Variants in TATDN1 observed in about 807,000 individuals in gnomAD.
TATDN1 encodes the protein deoxyribonuclease TATDN1.
TATDN1 carries 40 observed loss-of-function variants against 46.4 expected under a neutral mutation model. The observed-to-expected ratio is 0.86, with a 90% CI of 0.67 to 1.12. The LOEUF (loss-of-function observed/expected upper bound fraction) is 1.12, where lower values mean the gene tolerates loss of function less well. TATDN1 is among the 50% of genes most tolerant of loss of function. The probability of loss-of-function intolerance (pLI) is 0.00; values close to 1 mark genes in which losing one functional copy is unlikely to be tolerated. For missense variants in TATDN1, 326 were observed against 348.4 expected (o/e 0.94, Z 0.51); for synonymous variants, 95 against 105.6 (o/e 0.90, Z 0.62).
Position 124,506,229 on chromosome 8 carries a change from G to T in TATDN1, c.517-1882C>A, listed in dbSNP as rs536527615. Among the ~76,000 whole-genome samples, 57 of 151,214 alleles carry T rather than the reference G, an allele frequency of 3.8e-4. 3 individuals are homozygous for T. The South Asian group carries it at 0.011, about 29-fold the overall frequency. On this transcript the variant is annotated intron_variant, in intron 8 of 11. Transcript: ENST00000276692. ...GCGTGCCTGTAGCCCCAGCTACTCG[G>T]GAGGCTGAGGCAAAAGAATTGCTTG...
chr8:124,511,188 G>A (rs1022177802), intron 6 of TATDN1, among the ~76,000 whole-genome samples: 6 of 152,144 alleles, frequency 3.9e-5, no homozygotes, highest in Non-Finnish European at 8.8e-5. Flanking sequence ...TGAAGCTTCT[G>A]ATTTTATTAC....
chr8:124,533,629 T>A (rs1821166146), intron 1 of TATDN1, among the ~76,000 whole-genome samples: 1 of 152,118 alleles, frequency 6.6e-6, no homozygotes, highest in South Asian at 2.1e-4. Context: ...CAGGGCTGGT[T>A]TCTGTTCAAC....
At chr8:124,490,173 C>A (rs1816844209) in intron 11 of TATDN1, 2 of 152,120 alleles carry the variant, frequency 1.3e-5, no homozygotes, top group Non-Finnish European at 2.9e-5. Context: ...AGCAGCTTTG[C>A]TAAGATTATA....
rs201492211 is a variant in TATDN1, at chr8:124,515,696, A to G, written c.389+50T>C. Reference sequence around the variant, plus strand: ...TCTCACCTGATACAAGATATTTTAAAAATCACTCATGATTTTACAATAATT... The same window carrying G: ...TCTCACCTGATACAAGATATTTTAAGAATCACTCATGATTTTACAATAATT... On this transcript the variant is annotated intron_variant, in intron 6 of 11. Coordinates refer to ENST00000276692, the MANE Select transcript of TATDN1 (RefSeq NM_032026.4). 5 of 1,553,890 alleles carry G rather than the reference A, an allele frequency of 3.2e-6. No homozygotes were observed. In the East Asian group the frequency reaches 1.1e-4, roughly 35 times the overall value.
chr8:124,513,393 T>A (rs1225823852), intron 6 of TATDN1, among the ~76,000 whole-genome samples: 1 of 152,248 alleles, frequency 6.6e-6, no homozygotes. Flanking sequence ...CCCTCTGCTG[T>A]TCACATACTT....
intron 9 of TATDN1, among the ~76,000 whole-genome samples, chr8:124,499,646 C>T (rs1817773982): frequency 6.6e-6 from 1 of 151,968 alleles, no homozygotes; most frequent in Non-Finnish European, 1.5e-5. Flanking sequence ...CGGGTTCACG[C>T]CATTCTCCTG....
intron 2 of TATDN1, 23 bp downstream of exon 2, chr8:124,522,914 G>T (rs376820878): frequency 1.3e-6 from 2 of 1,597,366 alleles, no homozygotes; most frequent in South Asian, 2.2e-5. Context: ...GAAACTATTC[G>T]CCTTAATAAA....
At chr8:124,535,233 G>A (rs1821329241) in intron 1 of TATDN1, among the ~76,000 whole-genome samples, 1 of 152,172 alleles carries the variant, frequency 6.6e-6, no homozygotes, top group Admixed American at 6.5e-5. Context: ...GATTCCAAGG[G>A]TTTCAGGAGT....
intron 3 of TATDN1, among the ~76,000 whole-genome samples, chr8:124,519,253 G>A (rs1819824206): frequency 6.6e-6 from 1 of 152,188 alleles, no homozygotes; most frequent in Admixed American, 6.5e-5. Context: ...AGTTCTCCAG[G>A]TGTAGTCTGG....
chr8:124,539,088 C>T (rs527262671), upstream of TATDN1: 1 of 1,611,228 alleles, frequency 6.2e-7, no homozygotes. Flanking sequence ...CGGAAGTGGC[C>T]GCCGGCAACT....
At position 124,518,455 on chromosome 8, in the gene TATDN1, T is replaced by C. The variant is rs1423186485; in HGVS notation, c.202+363A>G. On this transcript the variant is annotated intron_variant, in intron 4 of 11. Coordinates refer to ENST00000276692, the MANE Select transcript of TATDN1 (RefSeq NM_032026.4). ...AGGAGAATGGTGTGAACCTGGGAGG[T>C]GGAGTTTGCAGTGAGCCGAGATCGC... is the stretch of plus-strand genomic sequence containing the variant. 3.5e-5 allele frequency among the ~76,000 whole-genome samples: 5 copies of C among 144,660 alleles called. No homozygotes were observed. The East Asian group carries it at 1.0e-3, about 29-fold the overall frequency. 94.9% of individuals were successfully genotyped at this position (144,660 alleles called of 152,430 possible).
chr8:124,495,353 T>C (rs1817373035), intron 10 of TATDN1, 119 bp downstream of exon 10: 2 of 708,890 alleles, frequency 2.8e-6, no homozygotes, highest in Non-Finnish European at 2.4e-6. Flanking sequence ...ATTGTTGAGG[T>C]TGAGCATGCT....
At chr8:124,531,712 GGGAGA>G (rs1404507463) in intron 1 of TATDN1, among the ~76,000 whole-genome samples, 2 of 152,168 alleles carry the variant, frequency 1.3e-5, no homozygotes, top group East Asian at 3.8e-4. Context: ...GGGACCCTAG[GGGAGA>G]GGAAATTGTC....
intron 6 of TATDN1, among the ~76,000 whole-genome samples, chr8:124,511,491 C>T (rs1173717285): frequency 6.6e-6 from 1 of 152,060 alleles, no homozygotes; most frequent in Non-Finnish European, 1.5e-5. Flanking sequence ...GAAAAATGCC[C>T]AAAGCAAATT....
At chr8:124,533,505 T>A (rs1249837327) in intron 1 of TATDN1, among the ~76,000 whole-genome samples, 1 of 152,116 alleles carries the variant, frequency 6.6e-6, no homozygotes, top group Admixed American at 6.6e-5. Flanking sequence ...AGGAATGCCT[T>A]GTGAAACTGG....
intron 9 of TATDN1, among the ~76,000 whole-genome samples, chr8:124,499,345 G>T (rs910437009): frequency 6.6e-6 from 1 of 152,002 alleles, no homozygotes; most frequent in Non-Finnish European, 1.5e-5. Context: ...TAAATTTTCA[G>T]ATTATTTGTA....
At chr8:124,531,813 G>C (rs1310560454) in intron 1 of TATDN1, among the ~76,000 whole-genome samples, 1 of 152,142 alleles carries the variant, frequency 6.6e-6, no homozygotes. Context: ...GAGCTGGAGA[G>C]AGCCACCATA....
chr8:124,500,149 C>T (rs1307292814), intron 9 of TATDN1, among the ~76,000 whole-genome samples: 1 of 152,068 alleles, frequency 6.6e-6, no homozygotes, highest in Non-Finnish European at 1.5e-5. Context: ...GGCCATCTTC[C>T]CATTTTCTTG....
intron 9 of TATDN1, among the ~76,000 whole-genome samples, chr8:124,499,356 T>G (rs1429712488): frequency 6.6e-6 from 1 of 152,194 alleles, no homozygotes; most frequent in Non-Finnish European, 1.5e-5. Context: ...ATTATTTGTA[T>G]TTTTGATCTC....
Sources: gnomAD v4.1 joint callset for allele counts (sites outside exome capture counted in the v4.1 genomes callset) on GRCh38, gnomAD v4.1.1 for gene constraint, MANE v1.5 for transcripts, NCBI Gene and HGNC (gene_info 2026-07-23, HGNC 2026-07-21) for gene names.